The following DTL variants were observed in gnomAD, a reference collection of about 807,000 sequenced individuals.
DTL encodes the protein denticleless protein homolog.
DTL carries 46 observed loss-of-function variants against 87.0 expected under a neutral mutation model. The observed-to-expected ratio is 0.53, with a 90% CI of 0.42 to 0.68. The LOEUF is 0.68. DTL is among the 30% of genes least tolerant of loss of function. The pLI is 0.00. For missense variants in DTL, 737 were observed against 869.4 expected (o/e 0.85, Z 1.91); for synonymous variants, 308 against 311.2 (o/e 0.99, Z 0.11).
chr1:212,078,488 C>T (rs1654900403), intron 12 of DTL, among the ~76,000 whole-genome samples: 1 of 152,036 alleles, frequency 6.6e-6, no homozygotes, highest in South Asian at 2.1e-4. Flanking sequence ...ATTTCTGGTT[C>T]CCTACAGTTA....
At chr1:212,084,078 A>C (rs1655059160) in intron 13 of DTL, among the ~76,000 whole-genome samples, 1 of 152,158 alleles carries the variant, frequency 6.6e-6, no homozygotes, top group Non-Finnish European at 1.5e-5. Flanking sequence ...GGACTTATTT[A>C]GTTGCTTATA....
chr1:212,082,119 A>G lies in DTL; in HGVS notation c.1261+1369A>G, dbSNP rs1655005821. On this transcript the variant is annotated intron_variant, in intron 13 of 14. Coordinates refer to ENST00000366991, the MANE Select transcript of DTL (RefSeq NM_016448.4). The stretch of plus-strand genomic sequence containing the variant: ...GTAAGAGAAAAACTGGGAGAGTGTT[A>G]CATCCTGGAAGCCAAGTAAATAAGA... Among the ~76,000 whole-genome samples, 3 of 152,326 alleles carry G rather than the reference A, an allele frequency of 2.0e-5. No individual in the cohort carries two copies. The South Asian group carries it at 6.2e-4, about 32-fold the overall frequency.
intron 6 of DTL, among the ~76,000 whole-genome samples, chr1:212,063,556 G>A (rs1339602757): frequency 2.0e-5 from 3 of 151,988 alleles, no homozygotes; most frequent in Admixed American, 2.0e-4. Flanking sequence ...CTCCCAAAGT[G>A]CTGAAATTAC....
intron 3 of DTL, among the ~76,000 whole-genome samples, chr1:212,045,869 T>TA: frequency 6.6e-6 from 1 of 152,350 alleles, no homozygotes; most frequent in Admixed American, 6.5e-5. Context: ...AATGTCAAAC[T>TA]AAAGTATTTT....
intron 2 of DTL, 145 bp from the exon 3 acceptor site, chr1:212,044,515 A>G: frequency 3.8e-6 from 2 of 528,398 alleles, no homozygotes. Context: ...GAGGCAGGAG[A>G]ATCACTTGAA....
intron 13 of DTL, among the ~76,000 whole-genome samples, chr1:212,088,893 T>G (rs1428256395): frequency 6.6e-6 from 1 of 152,052 alleles, no homozygotes; most frequent in Admixed American, 6.6e-5. Flanking sequence ...TCGGGACTAG[T>G]CTTGCCAACA....
intron 5 of DTL, among the ~76,000 whole-genome samples, chr1:212,061,608 G>A (rs1446921976): frequency 6.6e-6 from 1 of 152,040 alleles, no homozygotes. Flanking sequence ...CATTGTTGCA[G>A]CACTATTCAC....
chr1:212,057,510 C>G lies in DTL; in HGVS notation c.461-5374C>G, dbSNP rs1383774781. On this transcript the variant is annotated intron_variant, in intron 5 of 14. Transcript: ENST00000366991. Reference sequence around the variant, plus strand: ...CCGTACAGAAAATACTAAAAGGAGTCTTATACCGGGAAGTGAAGAGCAATA... The same window carrying G: ...CCGTACAGAAAATACTAAAAGGAGTGTTATACCGGGAAGTGAAGAGCAATA... Among the ~76,000 whole-genome samples, 3 of 152,138 alleles carry G rather than the reference C, an allele frequency of 2.0e-5. 1 individual carries two copies. Among genetic ancestry groups the G allele is most frequent in the South Asian group, 4.1e-4 (2 of 4,830 alleles).
chr1:212,096,703 T>G (rs1261617371), intron 13 of DTL, among the ~76,000 whole-genome samples: 1 of 152,236 alleles, frequency 6.6e-6, no homozygotes, highest in Non-Finnish European at 1.5e-5. Context: ...TGGAGTTGAC[T>G]TCCAATTTTA....
At chr1:212,081,353 A>G (rs1558086089) in intron 13 of DTL, among the ~76,000 whole-genome samples, 1 of 152,218 alleles carries the variant, frequency 6.6e-6, no homozygotes, top group Non-Finnish European at 1.5e-5. Flanking sequence ...TCTCTTCCTC[A>G]GAGAGGCTAG....
chr1:212,041,939 C>T (rs952843521), intron 1 of DTL, among the ~76,000 whole-genome samples: 2 of 152,154 alleles, frequency 1.3e-5, no homozygotes, highest in African/African-American at 4.8e-5. Flanking sequence ...TTGATTCATT[C>T]AGATTATGTC....
At chr1:212,061,263 G>A (rs116409244) in intron 5 of DTL, among the ~76,000 whole-genome samples, 4,001 of 148,918 alleles carry the variant, frequency 0.027, 79 homozygotes, top group Non-Finnish European at 0.041. Flanking sequence ...AAAAAAAAAA[G>A]TAGGCAAAGA....
At chr1:212,101,175 TA>T in intron 14 of DTL, 91 bp downstream of exon 14, 2 of 976,054 alleles carry the variant, frequency 2.0e-6, no homozygotes, top group Non-Finnish European at 2.9e-6. Context: ...TTTTTTTTTT[TA>T]AAGAAAGAAA....
intron 8 of DTL, among the ~76,000 whole-genome samples, 157 bp from the exon 9 acceptor site, chr1:212,068,067 A>G (rs781563170): frequency 1.3e-5 from 2 of 152,232 alleles, no homozygotes; most frequent in East Asian, 1.9e-4. Context: ...AGACAACAGT[A>G]TAAGATACTT....
chr1:212,051,708 T>C, intron 5 of DTL: 6 of 1,257,166 alleles, frequency 4.8e-6, no homozygotes, highest in Non-Finnish European at 6.9e-6. Flanking sequence ...ATCTCGGCTC[T>C]TAGAATGCTT....
intron 13 of DTL, among the ~76,000 whole-genome samples, chr1:212,097,970 A>G (rs1351643764): frequency 6.6e-6 from 1 of 151,998 alleles, no homozygotes; most frequent in Non-Finnish European, 1.5e-5. Flanking sequence ...TGAGAGCTGG[A>G]CTGCAGTGAT....
chr1:212,099,999 T>C (rs1655567803), intron 13 of DTL, among the ~76,000 whole-genome samples: 1 of 152,202 alleles, frequency 6.6e-6, no homozygotes, highest in Non-Finnish European at 1.5e-5. Flanking sequence ...TTAAATTTTT[T>C]CTCTTTATGT....
At chr1:212,048,021 T>C (rs1402381468) in intron 5 of DTL, among the ~76,000 whole-genome samples, 1 of 152,218 alleles carries the variant, frequency 6.6e-6, no homozygotes, top group East Asian at 1.9e-4. Context: ...ACCTTGATTG[T>C]TCATTGAAGT....
chr1:212,072,760 C>CTT (rs368207666), intron 11 of DTL, among the ~76,000 whole-genome samples: 1,366 of 124,728 alleles, frequency 0.011, 35 homozygotes, highest in African/African-American at 0.03. Context: ...ATTTACTAAT[C>CTT]TTTTTTTTTT....
Sources: allele counts gnomAD v4.1 joint callset (sites outside exome capture counted in the v4.1 genomes callset), GRCh38; gene constraint gnomAD v4.1.1; transcripts MANE v1.5; gene names NCBI Gene and HGNC (gene_info 2026-07-23, HGNC 2026-07-21).